The following ARHGAP15 variants were observed in gnomAD, a reference collection of about 807,000 sequenced individuals.
The protein encoded by ARHGAP15 is Rho GTPase activating protein 15.
A neutral mutation model predicts 63.7 loss-of-function variants in ARHGAP15; 51 were observed. The observed-to-expected ratio is 0.80, with a 90% CI of 0.64 to 1.01. The LOEUF is 1.01. ARHGAP15 is among the 50% of genes least tolerant of loss of function. The pLI is 0.00. For missense variants in ARHGAP15, 560 were observed against 564.6 expected (o/e 0.99, Z 0.08); for synonymous variants, 191 against 193.8 (o/e 0.99, Z 0.12).
chr2:143,354,629 G>A (rs1408150421), intron 6 of ARHGAP15, among the ~76,000 whole-genome samples: 1 of 151,974 alleles, frequency 6.6e-6, no homozygotes, highest in Non-Finnish European at 1.5e-5. Context: ...AGCTCATCAT[G>A]ATATGTAGCA....
At chr2:143,704,746 T>A (rs948880314) in intron 13 of ARHGAP15, among the ~76,000 whole-genome samples, 2 of 152,224 alleles carry the variant, frequency 1.3e-5, no homozygotes, top group African/African-American at 2.4e-5. Context: ...GTTTTGCTTT[T>A]GTGAGATTAA....
intron 6 of ARHGAP15, among the ~76,000 whole-genome samples, chr2:143,380,128 A>T (rs1482235752): frequency 3.3e-5 from 5 of 152,118 alleles, no homozygotes; most frequent in Non-Finnish European, 7.4e-5. Flanking sequence ...TGTAAACAAA[A>T]CAGATAAAGC....
intron 11 of ARHGAP15, among the ~76,000 whole-genome samples, chr2:143,602,335 A>G (rs940240681): frequency 2.0e-5 from 3 of 152,168 alleles, no homozygotes; most frequent in Non-Finnish European, 4.4e-5. Flanking sequence ...GTGGAGATTC[A>G]TGGTTCTTGG....
At chr2:143,492,981 C>T (rs1460706988) in intron 9 of ARHGAP15, among the ~76,000 whole-genome samples, 1 of 151,956 alleles carries the variant, frequency 6.6e-6, no homozygotes, top group Non-Finnish European at 1.5e-5. Context: ...TGGCGTGAAC[C>T]CCTGAGGCGG....
chr2:143,713,808 C>A (rs552408579), intron 13 of ARHGAP15, among the ~76,000 whole-genome samples: 1 of 152,322 alleles, frequency 6.6e-6, no homozygotes, highest in South Asian at 2.1e-4. Context: ...CTCCAGGTCT[C>A]ACATTCAGGT....
At chr2:143,470,286 G>A (rs1319722066) in intron 8 of ARHGAP15, among the ~76,000 whole-genome samples, 3 of 146,112 alleles carry the variant, frequency 2.1e-5, no homozygotes, top group Non-Finnish European at 3.0e-5. Context: ...GGTGTTCAAG[G>A]TTTTGGAAAA....
chr2:143,455,928 G>A (rs1690629616), intron 8 of ARHGAP15, among the ~76,000 whole-genome samples: 1 of 152,032 alleles, frequency 6.6e-6, no homozygotes, highest in South Asian at 2.1e-4. Context: ...CCCTAGGAGG[G>A]AGGATCTGTC....
chr2:143,661,488 ATG>A (rs1681771360), intron 12 of ARHGAP15, among the ~76,000 whole-genome samples: 1 of 152,198 alleles, frequency 6.6e-6, no homozygotes, highest in Non-Finnish European at 1.5e-5. Context: ...CAAAAAAAGT[ATG>A]TCTTCTTAAG....
At chr2:143,188,006 A>T (rs1216039558) in intron 2 of ARHGAP15, among the ~76,000 whole-genome samples, 1 of 152,188 alleles carries the variant, frequency 6.6e-6, no homozygotes, top group Admixed American at 6.5e-5. Flanking sequence ...TCTATTCATC[A>T]GTTCCCCTTC....
chr2:143,479,589 CACTT>C (rs1558999275), intron 8 of ARHGAP15, among the ~76,000 whole-genome samples: 1 of 151,888 alleles, frequency 6.6e-6, no homozygotes, highest in Admixed American at 6.6e-5. Context: ...GCTCAATAAC[CACTT>C]ACTTTATTAG....
rs955826325 is a variant in ARHGAP15 at position 143,445,886 on chromosome 2, A to G, written c.703+8844A>G. ...TCTGTAATATATAACAAATAATTAC[A>G]GTAATTTTGATTATTTTTATAAGAC... On this transcript the variant is annotated intron_variant, in intron 8 of 13. Coordinates refer to ENST00000295095, the MANE Select transcript of ARHGAP15 (RefSeq NM_018460.4). Among the ~76,000 whole-genome samples the G allele has an allele frequency of 2.0e-5, 3 of 152,144 alleles. No homozygotes were observed. The South Asian group carries it at 6.2e-4, about 31-fold the overall frequency.
chr2:143,284,200 CTG>C (rs1360857536), intron 6 of ARHGAP15, among the ~76,000 whole-genome samples: 20 of 152,176 alleles, frequency 1.3e-4, no homozygotes, highest in African/African-American at 4.6e-4. Context: ...GTACAAAAAA[CTG>C]GAGTTAACAT....
At chr2:143,746,449 C>T (rs555317684) in intron 13 of ARHGAP15, among the ~76,000 whole-genome samples, 1 of 152,268 alleles carries the variant, frequency 6.6e-6, no homozygotes, top group Non-Finnish European at 1.5e-5. Context: ...ATCTAACAAA[C>T]ATGAATGTCT....
At chr2:143,643,853 G>A (rs1452614570) in intron 12 of ARHGAP15, among the ~76,000 whole-genome samples, 1 of 152,050 alleles carries the variant, frequency 6.6e-6, no homozygotes, top group Non-Finnish European at 1.5e-5. Flanking sequence ...GGATAGAAAT[G>A]TACTTGACAG....
intron 6 of ARHGAP15, among the ~76,000 whole-genome samples, chr2:143,410,273 C>T (rs920503415): frequency 1.3e-5 from 2 of 152,154 alleles, no homozygotes; most frequent in African/African-American, 4.8e-5. Flanking sequence ...CATCACATCA[C>T]ATGAAGATCC....
chr2:143,578,920 A>G (rs1433135061), intron 11 of ARHGAP15, among the ~76,000 whole-genome samples: 1 of 152,156 alleles, frequency 6.6e-6, no homozygotes, highest in East Asian at 1.9e-4. Context: ...ATTAACTTTA[A>G]ATAGTATTAA....
At chr2:143,305,506 C>T (rs1341702594) in intron 6 of ARHGAP15, 2 of 152,006 alleles carry the variant, frequency 1.3e-5, no homozygotes, top group Non-Finnish European at 2.9e-5. Context: ...CAATACTCAT[C>T]TAGTTTTATG....
intron 4 of ARHGAP15, among the ~76,000 whole-genome samples, chr2:143,223,283 G>A (rs946015728): frequency 6.6e-6 from 1 of 151,992 alleles, no homozygotes. Context: ...CCAACACTTG[G>A]CATTTCTTGC....
At chr2:143,543,897 C>T (rs1488261327) in intron 10 of ARHGAP15, among the ~76,000 whole-genome samples, 5 of 152,098 alleles carry the variant, frequency 3.3e-5, no homozygotes, top group Non-Finnish European at 5.9e-5. Flanking sequence ...TTATGTAGTA[C>T]AGAATGAAGC....
Sources: allele counts gnomAD v4.1 joint callset (sites outside exome capture counted in the v4.1 genomes callset), GRCh38; gene constraint gnomAD v4.1.1; transcripts MANE v1.5; gene names NCBI Gene and HGNC (gene_info 2026-07-23, HGNC 2026-07-21).